Variants in ESYT3 observed in about 807,000 individuals in gnomAD.
ESYT3 encodes extended synaptotagmin 3, also known as extended synaptotagmin-3.
Under a neutral mutation model 111.5 loss-of-function variants are expected in ESYT3, and 101 were observed. The observed-to-expected ratio is 0.91, with a 90% CI of 0.77 to 1.07. The LOEUF is 1.07. Among genes scored for constraint, ESYT3 ranks in the 50% least tolerant of loss-of-function variants. The pLI, the probability that ESYT3 is intolerant of heterozygous loss-of-function variation, is 0.00. For missense variants in ESYT3, 1,097 were observed against 1,109.4 expected, an observed-to-expected ratio of 0.99 and a Z score of 0.16; for synonymous variants, 416 against 446.8, an observed-to-expected ratio of 0.93 and a Z score of 0.87.
At chr3:138,441,552 C>T (rs1019292383) in intron 1 of ESYT3, among the ~76,000 whole-genome samples, 1 of 152,076 alleles carries the variant, frequency 6.6e-6, no homozygotes, top group Non-Finnish European at 1.5e-5. Flanking sequence ...ATGAGCTGCC[C>T]CCTGAAGACC....
chr3:138,449,082 C>CTTTTT lies in ESYT3; in HGVS notation c.328-2950_328-2946dup, dbSNP rs398040196. Reference sequence around the variant, plus strand: ...CTGTTGCTGCCTACACTTTCTTTTTCTTTTTTTTTTTTTTTTTTTTGAGAT... The same window carrying CTTTTT: ...CTGTTGCTGCCTACACTTTCTTTTTCTTTTTTTTTTTTTTTTTTTTTTTTTGAGAT... On this transcript the variant is annotated intron_variant, in intron 1 of 22. Transcript: ENST00000389567. Among the ~76,000 whole-genome samples the CTTTTT allele has an allele frequency of 4.5e-4, 51 of 113,120 alleles. 1 individual carries two copies. Among genetic ancestry groups the CTTTTT allele is most frequent in the Middle Eastern group, 4.5e-3 (1 of 222 alleles). The allele number at this position is 113,120 out of a possible 152,430, so 74.2% of individuals were successfully genotyped here. A position where few individuals can be genotyped will look rare whatever the true frequency, so the allele number is the denominator to read the frequency against.
intron 1 of ESYT3, among the ~76,000 whole-genome samples, chr3:138,441,975 G>A (rs1012800494): frequency 2.6e-5 from 4 of 152,150 alleles, no homozygotes; most frequent in Admixed American, 6.5e-5. Context: ...CATGAGTCAT[G>A]AGCCTTGGAA....
rs2033648175 is a variant in ESYT3, at chr3:138,479,884, ACCCC to A, written c.*3031_*3034del. On this transcript the variant is annotated 3_prime_UTR_variant, in exon 23 of 23. Transcript: ENST00000389567. The stretch of plus-strand genomic sequence containing the variant: ...TCTGTATCCCCTAGAGTCCACTTCT[ACCCC>A]GTTTAGTAGTAAATACAAGAATTGC... 1 of 152,084 alleles carries A rather than the reference ACCCC, an allele frequency of 6.6e-6. No homozygotes were observed. The highest frequency in any genetic ancestry group is 6.6e-5 in the Admixed American group (1 of 15,266). The allele number at this position is 152,084 out of a possible 1,614,324, so 9.4% of individuals were successfully genotyped here.
chr3:138,440,090 ATT>A lies in ESYT3; in HGVS notation c.327+4966_327+4967del, dbSNP rs2031028791. Among the ~76,000 whole-genome samples, 4 of 152,188 alleles carry A rather than the reference ATT, an allele frequency of 2.6e-5. No individual in the cohort carries two copies. Among genetic ancestry groups the A allele is most frequent in the Admixed American group, 2.6e-4 (4 of 15,276 alleles). On this transcript the variant is annotated intron_variant, in intron 1 of 22. Coordinates refer to ENST00000389567, the MANE Select transcript of ESYT3 (RefSeq NM_031913.5). The surrounding 1 kb of genome is among the most constrained non-coding windows in gnomAD (Gnocchi z 4.2). ...CTTCATAGCTGTAGGGTCTGCCATCATTAACCAGTCCCGAGCCTGCTTTTCTC... is the reference window on the plus strand; with the variant it reads ...CTTCATAGCTGTAGGGTCTGCCATCAAACCAGTCCCGAGCCTGCTTTTCTC...
chr3:138,436,003 C>T (rs1294722097), intron 1 of ESYT3, among the ~76,000 whole-genome samples: 1 of 152,232 alleles, frequency 6.6e-6, no homozygotes, highest in Non-Finnish European at 1.5e-5. Context: ...CTCAGGCCCA[C>T]GGGGGAGGTC....
intron 1 of ESYT3, among the ~76,000 whole-genome samples, chr3:138,442,840 T>C (rs951266013): frequency 1.8e-4 from 27 of 152,234 alleles, no homozygotes; most frequent in Admixed American, 9.8e-4. Context: ...TTAGTATGAT[T>C]CCTAGAAGTT....
chr3:138,473,981 G>A lies in ESYT3; in HGVS notation c.2337-240G>A, dbSNP rs569479514. On this transcript the variant is annotated intron_variant, in intron 19 of 22. Transcript: ENST00000389567. ...TCTACTCCAAGCATTATAAAGATGC[G>A]TGTTATCAAAAACATTCATCTGATA... 1.3e-3 allele frequency among the ~76,000 whole-genome samples: 198 copies of A among 152,232 alleles called. 1 individual carries two copies. Among genetic ancestry groups the A allele is most frequent in the Non-Finnish European group, 2.4e-3 (161 of 68,018 alleles).
chr3:138,469,270 A>C, intron 14 of ESYT3, 166 bp from the exon 15 acceptor site: 1 of 641,056 alleles, frequency 1.6e-6, no homozygotes, highest in Non-Finnish European at 2.7e-6. Context: ...GGGCTCGCAC[A>C]GTAATGACAG....
chr3:138,470,063 T>C lies in ESYT3; in HGVS notation c.1507T>C (p.Cys503Arg). ...VGKKTHTSKT[C>R]PHNKDPVWSQ... ...TCTCTCCCTCTTCTGTTCCCAGACCTGTCCCCACAACAAGGACCCTGTGTG... is the reference window on the plus strand; with the variant it reads ...TCTCTCCCTCTTCTGTTCCCAGACCCGTCCCCACAACAAGGACCCTGTGTG... Residue 503 changes from cysteine (C) to arginine (R), a missense_variant, in exon 16 of 23, where the codon TGT (cysteine) becomes CGT (arginine). Cys to Arg is a radical substitution (Grantham distance 180). Coordinates refer to ENST00000389567, the MANE Select transcript of ESYT3 (RefSeq NM_031913.5). 2.5e-6 allele frequency: 4 copies of C among 1,612,196 alleles called. No homozygotes were observed. The highest frequency in any genetic ancestry group is 1.1e-5 in the South Asian group (1 of 90,984).
rs562176588 is a variant in ESYT3, at chr3:138,445,959, G to A, written c.328-6089G>A. ...TGGAGGATGGGGAGGAGAGGAAATG[G>A]ATGAGAAGATTTGAGGCTTAGGCTC... On this transcript the variant is annotated intron_variant, in intron 1 of 22. Transcript: ENST00000389567. Among the ~76,000 whole-genome samples the A allele has an allele frequency of 1.4e-4, 21 of 152,310 alleles. No individual in the cohort carries two copies. In the South Asian group the frequency reaches 4.1e-3, roughly 30 times the overall value.
At chr3:138,476,537 GAC>G in intron 22 of ESYT3, 45 bp downstream of exon 22, 2 of 1,592,666 alleles carry the variant, frequency 1.3e-6, no homozygotes, top group South Asian at 1.1e-5. Flanking sequence ...TGCTATTCAA[GAC>G]AGTTTTCCCT....
Position 138,435,337 on chromosome 3 carries a change from G to A in ESYT3, c.327+212G>A, listed in dbSNP as rs1355934018. On this transcript the variant is annotated intron_variant, in intron 1 of 22. Coordinates refer to ENST00000389567, the MANE Select transcript of ESYT3 (RefSeq NM_031913.5). The surrounding 1 kb of genome is among the most constrained non-coding windows in gnomAD (Gnocchi z 4.8). ...CGCAGCACCCTCACGTCCACCTCTG[G>A]TCCGACTGCGGTGGGAGTGGGGAAC... 6.6e-6 allele frequency among the ~76,000 whole-genome samples: 1 copy of A among 152,176 alleles called. No homozygotes were observed. Among genetic ancestry groups the A allele is most frequent in the African/African-American group, 2.4e-5 (1 of 41,450 alleles).
In ESYT3 at chr3:138,470,082, C is replaced by G; in HGVS notation, c.1526C>G (p.Pro509Arg). The G allele has an allele frequency of 6.2e-7, 1 of 1,613,036 alleles. No individual in the cohort carries two copies. Among genetic ancestry groups the G allele is most frequent in the Non-Finnish European group, 8.5e-7 (1 of 1,179,306 alleles). The change falls in exon 16 of 23, where the codon CCT becomes CGT. Residue 509 changes from proline to arginine, a missense_variant. Transcript: ENST00000389567. ...TSKTCPHNKD[P>R]VWSQVFSFFV... Reference sequence around the variant, plus strand: ...CAGACCTGTCCCCACAACAAGGACCCTGTGTGGAGCCAGGTGTTCTCCTTC... The same window carrying G: ...CAGACCTGTCCCCACAACAAGGACCGTGTGTGGAGCCAGGTGTTCTCCTTC...
intron 17 of ESYT3, 140 bp from the exon 18 acceptor site, chr3:138,472,223 A>G (rs1441133042): frequency 1.9e-6 from 2 of 1,063,594 alleles, no homozygotes; most frequent in African/African-American, 1.6e-5. Flanking sequence ...TTGGAACACC[A>G]TATGTATTAC....
In ESYT3 at chr3:138,438,219, A is replaced by AT. The variant is rs1189279729; in HGVS notation, c.327+3095dup. On this transcript the variant is annotated intron_variant, in intron 1 of 22. Transcript: ENST00000389567. ...CTGATTTCTCTGCGTGAAAGAGAGG[A>AT]TGATGGCTTATGACCTCCTTTGGTA... Among the ~76,000 whole-genome samples, 36 of 152,158 alleles carry AT rather than the reference A, an allele frequency of 2.4e-4. 2 individuals carry two copies. The highest frequency in any genetic ancestry group is 2.4e-3 in the Admixed American group (36 of 15,280).
chr3:138,465,390 G>T lies in ESYT3; in HGVS notation c.1138G>T (p.Glu380Ter). Residue 380 changes from glutamate to a stop codon, truncating the protein, a stop_gained, in exon 10 of 23, where the codon GAG (glutamate) becomes TAG (stop). Transcript: ENST00000389567. LOFTEE classifies it high-confidence loss of function. ...GQDLEVDLYD[E>*]DTDRDDFLGS... is the part of the protein sequence containing the mutation. The stretch of plus-strand genomic sequence containing the variant: ...GGACCTGGAGGTAGACCTGTATGAT[G>T]AGGATACCGACAGGGATGACTTCCT... 6.3e-7 allele frequency: 1 copy of T among 1,596,220 alleles called. No individual in the cohort carries two copies. Among genetic ancestry groups the T allele is most frequent in the South Asian group, 1.1e-5 (1 of 87,260 alleles).
At position 138,472,604 on chromosome 3, in the gene ESYT3, A is replaced by G. The variant is rs778349812; in HGVS notation, c.1982A>G (p.Glu661Gly). ...GTTGCCACTGAGCCCACATCCCAAG[A>G]GACAGGCCCAGAGCCTAAAGGCAAG... The part of the protein sequence containing the change: ...TTVATEPTSQ[E>G]TGPEPKGKDS... The change falls in exon 18 of 23, where the codon GAG becomes GGG. Residue 661 changes from glutamate (E) to glycine (G), a missense_variant. Physicochemically the swap from Glu to Gly is moderately conservative, Grantham distance 98. Coordinates refer to ENST00000389567, the MANE Select transcript of ESYT3 (RefSeq NM_031913.5). 3.7e-6 allele frequency: 6 copies of G among 1,614,208 alleles called. No individual in the cohort carries two copies. In the Admixed American group the frequency reaches 8.3e-5, roughly 22 times the overall value.
chr3:138,435,210 C>G lies in ESYT3; in HGVS notation c.327+85C>G. The G allele has an allele frequency of 7.5e-7, 1 of 1,342,162 alleles. No homozygotes were observed. Among genetic ancestry groups the G allele is most frequent in the Non-Finnish European group, 1.0e-6 (1 of 1,001,700 alleles). The allele number at this position is 1,342,162 out of a possible 1,614,324, so 83.1% of individuals were successfully genotyped here. ...TTGCGGTCAGCGGGGAGCTGGTGCG[C>G]GCAAACCCGAGGCAGGGCGGGAGCC... On this transcript the variant is annotated intron_variant, in intron 1 of 22. Coordinates refer to ENST00000389567, the MANE Select transcript of ESYT3 (RefSeq NM_031913.5). This position sits in a 1 kb window ranked among gnomAD's most constrained non-coding sequence, Gnocchi z 4.8.
chr3:138,476,235 T>C lies in ESYT3; in HGVS notation c.2481T>C (p.Phe827=). The change falls in exon 21 of 23, where the codon TTT becomes TTC. Residue 827 remains phenylalanine, a synonymous_variant. Coordinates refer to ENST00000389567, the MANE Select transcript of ESYT3 (RefSeq NM_031913.5). The part of the protein sequence containing the change: ...EPLFDETFEF[F]VPMEEVKKRS... ...TTGCTTCCTAAAGATTTGAATTTTT[T>C]GTTCCCATGGAAGAAGTAAAGAAGA... 2 of 1,610,982 alleles carry C rather than the reference T, an allele frequency of 1.2e-6. No homozygotes were observed. The highest frequency in any genetic ancestry group is 1.7e-6 in the Non-Finnish European group (2 of 1,177,922).
Sources: gnomAD v4.1 joint callset for allele counts (sites outside exome capture counted in the v4.1 genomes callset) on GRCh38, gnomAD v4.1.1 for gene constraint, Gnocchi (gnomAD v3.1) non-coding constraint, MANE v1.5 for transcripts, NCBI Gene and HGNC (gene_info 2026-07-23, HGNC 2026-07-21) for gene names.